KIAA0319L: variants seen among roughly 807,000 people sequenced by gnomAD.
KIAA0319L encodes dyslexia-associated protein KIAA0319-like protein.
KIAA0319L carries 55 observed loss-of-function variants against 120.1 expected under a neutral mutation model. The ratio of observed to expected loss-of-function variants is 0.46; its 90% CI spans 0.37 to 0.57. KIAA0319L has a LOEUF of 0.57. KIAA0319L is among the 20% of genes least tolerant of loss of function. The pLI is 0.00. For missense variants in KIAA0319L, 1,049 were observed against 1,255.3 expected (o/e 0.84, Z 2.48); for synonymous variants, 398 against 471.9 (o/e 0.84, Z 2.03).
intron 2 of KIAA0319L, among the ~76,000 whole-genome samples, chr1:35,537,373 T>TC (rs1228803945): frequency 1.9e-4 from 28 of 147,662 alleles, no homozygotes; most frequent in African/African-American, 6.3e-4. Context: ...GGAAGGTTTT[T>TC]CCTTTCCTTT....
chr1:35,449,840 C>G (rs1379949720), intron 15 of KIAA0319L, 27 bp downstream of exon 15: 2 of 1,612,648 alleles, frequency 1.2e-6, no homozygotes, highest in African/African-American at 2.7e-5. Flanking sequence ...AGCAATTCTA[C>G]TCAGCCTCAT....
chr1:35,524,938 GT>G (rs570135423), intron 2 of KIAA0319L, among the ~76,000 whole-genome samples: 2 of 151,970 alleles, frequency 1.3e-5, no homozygotes, highest in Non-Finnish European at 2.9e-5. Flanking sequence ...ATTAGAATTT[GT>G]TCCTTCTATC....
intron 3 of KIAA0319L, among the ~76,000 whole-genome samples, chr1:35,482,786 T>C (rs1336907157): frequency 1.3e-5 from 2 of 152,182 alleles, no homozygotes; most frequent in Admixed American, 6.5e-5. Context: ...TACTTATAAA[T>C]AGAACCCCCG....
In KIAA0319L at chr1:35,450,515, C is replaced by A. The variant is rs191138579; in HGVS notation, c.2063-6G>T. On this transcript the variant is annotated splice_region_variant and splice_polypyrimidine_tract_variant and intron_variant, in intron 13 of 20. Coordinates refer to ENST00000325722, the MANE Select transcript of KIAA0319L (RefSeq NM_024874.5). Reference sequence around the variant, plus strand: ...TATAGGTGGTTTGTTTATTTCTAATCAAAAAGAAATCATTGACATAATGTG... The same window carrying A: ...TATAGGTGGTTTGTTTATTTCTAATAAAAAAGAAATCATTGACATAATGTG... 6 of 1,601,070 alleles carry A rather than the reference C, an allele frequency of 3.7e-6. No individual in the cohort carries two copies. The African/African-American group carries it at 6.7e-5, about 18-fold the overall frequency.
At chr1:35,513,875 ACACAAGGTT>A (rs1441849505) in intron 2 of KIAA0319L, among the ~76,000 whole-genome samples, 1 of 152,262 alleles carries the variant, frequency 6.6e-6, no homozygotes, top group East Asian at 1.9e-4. Flanking sequence ...ATACTCAAAC[ACACAAGGTT>A]CACATTCATT....
chr1:35,470,500 A>G (rs1185835036), intron 6 of KIAA0319L, among the ~76,000 whole-genome samples: 2 of 150,340 alleles, frequency 1.3e-5, no homozygotes, highest in Non-Finnish European at 3.0e-5. Flanking sequence ...CTCAAAAAAA[A>G]AAAAAAAAAA....
chr1:35,542,197 C>A (rs1646819553), intron 2 of KIAA0319L, among the ~76,000 whole-genome samples: 1 of 152,124 alleles, frequency 6.6e-6, no homozygotes, highest in Non-Finnish European at 1.5e-5. Flanking sequence ...ATTTATGTAC[C>A]TGGGAGTAGG....
At chr1:35,549,906 G>A (rs942023082) in intron 2 of KIAA0319L, among the ~76,000 whole-genome samples, 2 of 152,118 alleles carry the variant, frequency 1.3e-5, no homozygotes, top group Non-Finnish European at 2.9e-5. Context: ...AGAATATCTA[G>A]CATAACTAAA....
At chr1:35,493,423 AAAAT>A (rs1644675268) in intron 3 of KIAA0319L, among the ~76,000 whole-genome samples, 1 of 151,794 alleles carries the variant, frequency 6.6e-6, no homozygotes. Context: ...CAAAAAAATA[AAAAT>A]AAAGATGTGC....
chr1:35,450,974 A>G (rs1642016613), intron 13 of KIAA0319L, among the ~76,000 whole-genome samples: 1 of 152,180 alleles, frequency 6.6e-6, no homozygotes, highest in Admixed American at 6.5e-5. Flanking sequence ...ACAAAGAGCT[A>G]CCTCTCTTAT....
intron 3 of KIAA0319L, among the ~76,000 whole-genome samples, chr1:35,480,074 G>A (rs1009389920): frequency 6.6e-6 from 1 of 151,764 alleles, no homozygotes; most frequent in Non-Finnish European, 1.5e-5. Context: ...CTTCCTGAAG[G>A]AGAAGAGCCC....
At chr1:35,516,750 C>T (rs185693168) in intron 2 of KIAA0319L, among the ~76,000 whole-genome samples, 8 of 152,108 alleles carry the variant, frequency 5.3e-5, no homozygotes, top group African/African-American at 1.7e-4. Context: ...AAATAGGAGG[C>T]GAGGAAGTCC....
intron 3 of KIAA0319L, among the ~76,000 whole-genome samples, chr1:35,503,477 C>T (rs561503823): frequency 9.9e-5 from 15 of 152,232 alleles, no homozygotes; most frequent in East Asian, 1.9e-4. Flanking sequence ...AGTTGGGGCC[C>T]GGCAATCTTT....
At chr1:35,477,666 C>CAAA (rs34588440) in intron 4 of KIAA0319L, among the ~76,000 whole-genome samples, 6 of 55,608 alleles carry the variant, frequency 1.1e-4, no homozygotes, top group Non-Finnish European at 2.3e-4. Context: ...GACTCTGTCT[C>CAAA]AAAAAAAAAA....
Position 35,448,305 on chromosome 1 carries a change from A to G in KIAA0319L, c.2381T>C (p.Ile794Thr). ...PDPRKNNLVE[I>T]ILDINVSQLT... ...CTGACTGACGTTGATATCCAAGATG[A>G]TCTCCACCAGGTTGTTTTTCCTGGG... The change falls in exon 16 of 21, where the codon ATC becomes ACC. Residue 794 changes from isoleucine to threonine, a missense_variant. Transcript: ENST00000325722. 6.2e-7 allele frequency: 1 copy of G among 1,614,044 alleles called. No homozygotes were observed. The highest frequency in any genetic ancestry group is 1.3e-5 in the African/African-American group (1 of 75,008).
At chr1:35,481,953 T>C (rs905497722) in intron 3 of KIAA0319L, among the ~76,000 whole-genome samples, 3 of 149,990 alleles carry the variant, frequency 2.0e-5, no homozygotes, top group Non-Finnish European at 4.4e-5. Context: ...GCCTCCTGAG[T>C]AGCTGGGACT....
chr1:35,540,490 A>T (rs1392292009), intron 2 of KIAA0319L, among the ~76,000 whole-genome samples: 1 of 152,210 alleles, frequency 6.6e-6, no homozygotes, highest in Non-Finnish European at 1.5e-5. Flanking sequence ...ACAGGAACAC[A>T]CTTCCAACTT....
At position 35,437,094 on chromosome 1, in the gene KIAA0319L, C is replaced by A. The variant is rs1002083151; in HGVS notation, c.2963-2013G>T. Among the ~76,000 whole-genome samples the A allele has an allele frequency of 6.6e-6, 1 of 152,162 alleles. No individual in the cohort carries two copies. The highest frequency in any genetic ancestry group is 2.4e-5 in the African/African-American group (1 of 41,424). ...TCGGTAGACACTGCCCACAAGAGAC[C>A]AGCCCTGCTGCCCTCACCTGGTCGC... is the stretch of plus-strand genomic sequence containing the variant. On this transcript the variant is annotated intron_variant, in intron 20 of 20. Transcript: ENST00000325722. This position sits in a 1 kb window ranked among gnomAD's most constrained non-coding sequence, Gnocchi z 4.1.
In KIAA0319L at chr1:35,454,378, A is replaced by C; in HGVS notation, c.1764T>G (p.Thr588=). 1 of 1,613,994 alleles carries C rather than the reference A, an allele frequency of 6.2e-7. No homozygotes were observed. Among genetic ancestry groups the C allele is most frequent in the Non-Finnish European group, 8.5e-7 (1 of 1,179,904 alleles). ...TIGQQATAQV[T]VIVQPENNKP... ...GGAGCTTACCAGGTTGCACAATAAC[A>C]GTCACTTGAGCAGTGGCCTGCTGTC... Residue 588 remains threonine (T), a synonymous_variant, in exon 11 of 21, where the codon ACT becomes ACG. Transcript: ENST00000325722.
Sources: allele counts gnomAD v4.1 joint callset (sites outside exome capture counted in the v4.1 genomes callset), GRCh38; gene constraint gnomAD v4.1.1; non-coding constraint Gnocchi (gnomAD v3.1); transcripts MANE v1.5; gene names NCBI Gene and HGNC (gene_info 2026-07-23, HGNC 2026-07-21).